JRK: variants seen among roughly 807,000 people sequenced by gnomAD.
JRK encodes the protein jerky protein homolog.
For missense variants in JRK, 720 were observed against 509.2 expected, an observed-to-expected ratio of 1.41 and a Z score of -3.98; for synonymous variants, 303 against 218.1, an observed-to-expected ratio of 1.39 and a Z score of -3.43.
Position 142,665,764 on chromosome 8 carries a change from C to A in JRK, c.295G>T (p.Gly99Trp), listed in dbSNP as rs781798543. The change falls in exon 2 of 2, where the codon GGG becomes TGG. Residue 99 changes from glycine to tryptophan, a missense_variant. Transcript: ENST00000612905. The stretch of plus-strand genomic sequence containing the variant: ...ACGGGGACGCCCTCGGAGCGCTTCC[C>A]CAGGAACCACTCGTACAGGACGCGG... ...LDRVLYEWFL[G>W]KRSEGVPVSG... The A allele has an allele frequency of 1.3e-6, 1 of 776,614 alleles. No individual in the cohort carries two copies. Among genetic ancestry groups the A allele is most frequent in the Non-Finnish European group, 2.4e-6 (1 of 416,178 alleles). 48.1% of individuals were successfully genotyped at this position (776,614 alleles called of 1,614,324 possible).
chr8:142,653,024 G>A (rs1307537569), downstream of JRK, among the ~76,000 whole-genome samples: 2 of 152,180 alleles, frequency 1.3e-5, no homozygotes, highest in East Asian at 3.9e-4. Flanking sequence ...ACATCCATCA[G>A]CAGGCAGACC....
rs1563791107 is a variant in JRK at position 142,661,061 on chromosome 8, G to A, written c.*3291C>T. 1 of 985,244 alleles carries A rather than the reference G, an allele frequency of 1.0e-6. No individual in the cohort carries two copies. The highest frequency in any genetic ancestry group is 1.2e-6 in the Non-Finnish European group (1 of 829,906). 61.0% of individuals were successfully genotyped at this position (985,244 alleles called of 1,614,324 possible). On this transcript the variant is annotated 3_prime_UTR_variant, in exon 2 of 2. Transcript: ENST00000612905. ...TAAGAACAGTGGCCTGCGACGTCAG[G>A]GGCAGTCCAGGTGCTCTCCATCGCA...
the JRK span, among the ~76,000 whole-genome samples, chr8:142,649,255 G>A: frequency 5.9e-5 from 9 of 152,218 alleles, no homozygotes; most frequent in Admixed American, 5.2e-4. Context: ...GTTTTGAAAT[G>A]TAAGGACATG....
the JRK span, among the ~76,000 whole-genome samples, chr8:142,649,255 G>GT: frequency 2.6e-5 from 4 of 152,218 alleles, no homozygotes; most frequent in Non-Finnish European, 4.4e-5. Context: ...GTTTTGAAAT[G>GT]TAAGGACATG....
rs1380841900 is a variant in JRK at position 142,664,100 on chromosome 8, T to C, written c.*252A>G. The stretch of plus-strand genomic sequence containing the variant: ...GGCTCTGGCTTGTTCTAGGCTAGGG[T>C]GGACCCTTCCAAAACATTTCCTCAC... On this transcript the variant is annotated 3_prime_UTR_variant, in exon 2 of 2. Coordinates refer to ENST00000612905, the MANE Select transcript of JRK (RefSeq NM_003724.4). 1 of 1,303,686 alleles carries C rather than the reference T, an allele frequency of 7.7e-7. No homozygotes were observed. Among genetic ancestry groups the C allele is most frequent in the Non-Finnish European group, 9.7e-7 (1 of 1,028,946 alleles). The allele number at this position is 1,303,686 out of a possible 1,614,324, so 80.8% of individuals were successfully genotyped here. A position where few individuals can be genotyped will look rare whatever the true frequency, so the allele number is the denominator to read the frequency against.
At position 142,664,362 on chromosome 8, in the gene JRK, C is replaced by A. The variant is rs1306403950; in HGVS notation, c.1697G>T (p.Gly566Val). ...QSPLPCSSTAGDN is the reference protein window; with the variant it reads ...QSPLPCSSTAVDN ...AGGGCAGAGAAGCCATCAGTTGTCA[C>A]CTGCTGTGGATGAGCAGGGCAAGGG... The change falls in exon 2 of 2, where the codon GGT becomes GTT. Residue 566 changes from glycine to valine, a missense_variant. Physicochemically the swap from Gly to Val is moderately radical, Grantham distance 109. Coordinates refer to ENST00000612905, the MANE Select transcript of JRK (RefSeq NM_003724.4). 6.4e-7 allele frequency: 1 copy of A among 1,561,940 alleles called. No individual in the cohort carries two copies. Among genetic ancestry groups the A allele is most frequent in the Non-Finnish European group, 8.7e-7 (1 of 1,150,590 alleles).
chr8:142,664,251 C>A lies in JRK; in HGVS notation c.*101G>T. 6.9e-7 allele frequency: 1 copy of A among 1,442,544 alleles called. No homozygotes were observed. 89.4% of individuals were successfully genotyped at this position (1,442,544 alleles called of 1,614,324 possible). On this transcript the variant is annotated 3_prime_UTR_variant, in exon 2 of 2. Transcript: ENST00000612905. ...TCCTGGAAGGGCTCTTGAGTGTCTG[C>A]ACATGCCCTCCTGCCTCAGGTGGGG...
Position 142,664,123 on chromosome 8 carries a change from C to T in JRK, c.*229G>A. 7.6e-7 allele frequency: 1 copy of T among 1,322,560 alleles called. No individual in the cohort carries two copies. Among genetic ancestry groups the T allele is most frequent in the African/African-American group, 1.5e-5 (1 of 67,500 alleles). The allele number at this position is 1,322,560 out of a possible 1,614,324, so 81.9% of individuals were successfully genotyped here. ...GGTGGACCCTTCCAAAACATTTCCT[C>T]ACTTTCGGATGACACGGCAAGTGAT... is the stretch of plus-strand genomic sequence containing the variant. On this transcript the variant is annotated 3_prime_UTR_variant, in exon 2 of 2. Transcript: ENST00000612905.
chr8:142,661,803 A>G lies in JRK; in HGVS notation c.*2549T>C. ...AGAGGGCTTGGGGAAAAAGATTCTG[A>G]GGCTAAAACATTCAACCACTTGAGC... On this transcript the variant is annotated 3_prime_UTR_variant, in exon 2 of 2. Coordinates refer to ENST00000612905, the MANE Select transcript of JRK (RefSeq NM_003724.4). The G allele has an allele frequency of 2.0e-6, 2 of 985,524 alleles. No homozygotes were observed. The highest frequency in any genetic ancestry group is 2.4e-6 in the Non-Finnish European group (2 of 830,040). 61.0% of individuals were successfully genotyped at this position (985,524 alleles called of 1,614,324 possible). A position where few individuals can be genotyped will look rare whatever the true frequency, so the allele number is the denominator to read the frequency against.
the JRK span, among the ~76,000 whole-genome samples, chr8:142,645,793 AT>A: frequency 6.6e-6 from 1 of 152,174 alleles, no homozygotes; most frequent in African/African-American, 2.4e-5. Flanking sequence ...ACAACCACTC[AT>A]TTTACTGTAG....
At position 142,665,092 on chromosome 8, in the gene JRK, T is replaced by G. The variant is rs1847063226; in HGVS notation, c.967A>C (p.Ser323Arg). The G allele has an allele frequency of 1.4e-6, 1 of 717,826 alleles. No homozygotes were observed. Among genetic ancestry groups the G allele is most frequent in the African/African-American group, 1.7e-5 (1 of 57,276 alleles). 44.5% of individuals were successfully genotyped at this position (717,826 alleles called of 1,614,324 possible). Residue 323 changes from serine (S) to arginine (R), a missense_variant, in exon 2 of 2, where the codon AGC (serine) becomes CGC (arginine). Physicochemically the swap from Ser to Arg is moderately radical, Grantham distance 110. Coordinates refer to ENST00000612905, the MANE Select transcript of JRK (RefSeq NM_003724.4). Reference sequence around the variant, plus strand: ...ATGGGCTGCACCAATGAGGCCACGCTGGCAGGCAGGAAGATGGTGAAAACG... The same window carrying G: ...ATGGGCTGCACCAATGAGGCCACGCGGGCAGGCAGGAAGATGGTGAAAACG... ...SNVFTIFLPASVASLVQPMEQ... is the reference protein window; with the variant it reads ...SNVFTIFLPARVASLVQPMEQ...
Position 142,660,302 on chromosome 8 carries a change from C to G in JRK, c.*4050G>C, listed in dbSNP as rs934810694. 1.0e-5 allele frequency: 10 copies of G among 985,638 alleles called. No homozygotes were observed. The South Asian group carries it at 4.2e-4, about 42-fold the overall frequency. The allele number at this position is 985,638 out of a possible 1,614,324, so 61.1% of individuals were successfully genotyped here. A position where few individuals can be genotyped will look rare whatever the true frequency, so the allele number is the denominator to read the frequency against. Reference sequence around the variant, plus strand: ...CTCCCAGGCCACCACCCACCCCTCACGGCTGCCACACCCACCAGCCCATGA... The same window carrying G: ...CTCCCAGGCCACCACCCACCCCTCAGGGCTGCCACACCCACCAGCCCATGA... On this transcript the variant is annotated 3_prime_UTR_variant, in exon 2 of 2. Coordinates refer to ENST00000612905, the MANE Select transcript of JRK (RefSeq NM_003724.4).
At chr8:142,651,301 T>A in the JRK span, among the ~76,000 whole-genome samples, 6 of 151,908 alleles carry the variant, frequency 3.9e-5, no homozygotes, top group African/African-American at 1.2e-4. Context: ...CTCATTACCA[T>A]ATTGCAGCTA....
At chr8:142,649,599 T>C in the JRK span, among the ~76,000 whole-genome samples, 1 of 152,224 alleles carries the variant, frequency 6.6e-6, no homozygotes, top group East Asian at 1.9e-4. Context: ...TTTTGTAAAC[T>C]GCTTCAGAGG....
In JRK at chr8:142,663,765, C is replaced by A. The variant is rs1554634956; in HGVS notation, c.*587G>T. On this transcript the variant is annotated 3_prime_UTR_variant, in exon 2 of 2. Coordinates refer to ENST00000612905, the MANE Select transcript of JRK (RefSeq NM_003724.4). ...AGAGTCATTCTGCTGAATGAGGCCA[C>A]AACTGAAGTGAGATGTGCGGCCTGT... 2.0e-6 allele frequency: 2 copies of A among 985,482 alleles called. No individual in the cohort carries two copies. Among genetic ancestry groups the A allele is most frequent in the Non-Finnish European group, 2.4e-6 (2 of 830,052 alleles). 61.0% of individuals were successfully genotyped at this position (985,482 alleles called of 1,614,324 possible).
downstream of JRK, among the ~76,000 whole-genome samples, chr8:142,653,526 A>G (rs1021806044): frequency 5.3e-5 from 8 of 150,472 alleles, no homozygotes; most frequent in Admixed American, 2.0e-4. Context: ...GGGACGTGCC[A>G]CCACTCCTGG....
chr8:142,663,064 G>A lies in JRK; in HGVS notation c.*1288C>T, dbSNP rs966829620. On this transcript the variant is annotated 3_prime_UTR_variant, in exon 2 of 2. Coordinates refer to ENST00000612905, the MANE Select transcript of JRK (RefSeq NM_003724.4). The stretch of plus-strand genomic sequence containing the variant: ...GCTACTCAGGAGGCTGGGGCGGGAG[G>A]ATCACTCAAGCCAGGGAGGTCGAGG... 1 of 758,946 alleles carries A rather than the reference G, an allele frequency of 1.3e-6. No individual in the cohort carries two copies. Among genetic ancestry groups the A allele is most frequent in the Non-Finnish European group, 1.6e-6 (1 of 623,424 alleles). The allele number at this position is 758,946 out of a possible 1,614,324, so 47.0% of individuals were successfully genotyped here. A position where few individuals can be genotyped will look rare whatever the true frequency, so the allele number is the denominator to read the frequency against.
the JRK span, among the ~76,000 whole-genome samples, chr8:142,644,474 GACA>G: frequency 6.6e-6 from 1 of 152,014 alleles, no homozygotes; most frequent in Admixed American, 6.6e-5. Flanking sequence ...TTTCATATTT[GACA>G]ACACTTCCTA....
rs587684254 is a variant in JRK, at chr8:142,665,605, T to C, written c.454A>G (p.Ser152Gly). 4 of 718,562 alleles carry C rather than the reference T, an allele frequency of 5.6e-6. No individual in the cohort carries two copies. Among genetic ancestry groups the C allele is most frequent in the Admixed American group, 2.0e-5 (1 of 50,030 alleles). 44.5% of individuals were successfully genotyped at this position (718,562 alleles called of 1,614,324 possible). The change falls in exon 2 of 2, where the codon AGT (serine) becomes GGT (glycine). Residue 152 changes from serine (S) to glycine (G), a missense_variant. By Grantham distance (56) the Ser-to-Gly change is moderately conservative. Transcript: ENST00000612905. ...RHGIKKLDASSEKQSADHQAA... is the reference protein window; with the variant it reads ...RHGIKKLDASGEKQSADHQAA... Reference sequence around the variant, plus strand: ...TGGTGGTCGGCTGACTGCTTTTCACTGGATGCATCTAGCTTTTTAATGCCG... The same window carrying C: ...TGGTGGTCGGCTGACTGCTTTTCACCGGATGCATCTAGCTTTTTAATGCCG...
Sources: gnomAD v4.1 joint callset for allele counts (sites outside exome capture counted in the v4.1 genomes callset) on GRCh38, gnomAD v4.1.1 for gene constraint, MANE v1.5 for transcripts, NCBI Gene and HGNC (gene_info 2026-07-23, HGNC 2026-07-21) for gene names.